Variants in PPP1R13B observed in about 807,000 individuals in gnomAD.
The protein encoded by PPP1R13B is protein phosphatase 1 regulatory subunit 13B, also known as apoptosis-stimulating of p53 protein 1.
Under a neutral mutation model 119.8 loss-of-function variants are expected in PPP1R13B, and 44 were observed. The observed-to-expected ratio is 0.37, with a 90% CI of 0.29 to 0.47. The LOEUF (loss-of-function observed/expected upper bound fraction) is 0.47. PPP1R13B is among the 20% of genes least tolerant of loss of function. PPP1R13B has a pLI of 0.99. For synonymous variants in PPP1R13B, 542 were observed against 561.5 expected (o/e 0.97, Z 0.49); for missense variants, 1,227 against 1,413.5 (o/e 0.87, Z 2.12).
intron 1 of PPP1R13B, among the ~76,000 whole-genome samples, chr14:103,838,565 T>A (rs754967043): frequency 6.6e-6 from 1 of 152,182 alleles, no homozygotes; most frequent in African/African-American, 2.4e-5. Context: ...ACTGTACACA[T>A]TAAAAGGTGA....
At chr14:103,808,484 A>T (rs2086070954) in intron 1 of PPP1R13B, among the ~76,000 whole-genome samples, 1 of 152,202 alleles carries the variant, frequency 6.6e-6, no homozygotes, top group Admixed American at 6.5e-5. Context: ...ATATATCATG[A>T]TGTTTTAAGA....
chr14:103,812,803 C>T (rs373213931), intron 1 of PPP1R13B, among the ~76,000 whole-genome samples: 1 of 152,276 alleles, frequency 6.6e-6, no homozygotes, highest in East Asian at 1.9e-4. Flanking sequence ...ATATGAAAAA[C>T]ATGTTCCGTA....
intron 1 of PPP1R13B, among the ~76,000 whole-genome samples, chr14:103,838,816 T>C (rs2086836113): frequency 6.6e-6 from 1 of 152,062 alleles, no homozygotes; most frequent in African/African-American, 2.4e-5. Flanking sequence ...AACTCAGAGG[T>C]AAGTGAGGGG....
At chr14:103,842,027 C>T (rs186511082) in intron 1 of PPP1R13B, among the ~76,000 whole-genome samples, 5 of 152,176 alleles carry the variant, frequency 3.3e-5, no homozygotes, top group Non-Finnish European at 5.9e-5. Context: ...TTGTCAATTA[C>T]GTGTTATTTG....
intron 1 of PPP1R13B, among the ~76,000 whole-genome samples, chr14:103,844,720 T>C (rs2086989328): frequency 6.6e-6 from 1 of 152,008 alleles, no homozygotes; most frequent in African/African-American, 2.4e-5. Flanking sequence ...AGTGAGACTC[T>C]GTCACAAAAA....
At chr14:103,736,693 G>A (rs912213955) in intron 15 of PPP1R13B, 1 of 157,024 alleles carries the variant, frequency 6.4e-6, no homozygotes, top group Non-Finnish European at 1.4e-5. Context: ...CCTTCCCTGT[G>A]GTGGTGCCAC....
chr14:103,801,146 G>A (rs951324057), intron 1 of PPP1R13B, among the ~76,000 whole-genome samples: 2 of 152,042 alleles, frequency 1.3e-5, no homozygotes, highest in Admixed American at 6.6e-5. Flanking sequence ...CAACACGTCT[G>A]GCCTACCATT....
At chr14:103,804,286 A>G (rs1345363229) in intron 1 of PPP1R13B, among the ~76,000 whole-genome samples, 1 of 152,184 alleles carries the variant, frequency 6.6e-6, no homozygotes, top group Non-Finnish European at 1.5e-5. Flanking sequence ...GAACTAAGAA[A>G]ATCAACTGAA....
intron 4 of PPP1R13B, among the ~76,000 whole-genome samples, chr14:103,772,793 A>G (rs1250622820): frequency 6.6e-6 from 1 of 151,770 alleles, no homozygotes; most frequent in Non-Finnish European, 1.5e-5. Flanking sequence ...CTGCCTCCCA[A>G]GTAGTTGGGA....
intron 1 of PPP1R13B, among the ~76,000 whole-genome samples, chr14:103,806,265 G>A (rs2086015743): frequency 6.6e-6 from 1 of 152,104 alleles, no homozygotes; most frequent in Non-Finnish European, 1.5e-5. Flanking sequence ...CAGGAAAATG[G>A]CTCTCAGGCT....
intron 4 of PPP1R13B, among the ~76,000 whole-genome samples, chr14:103,774,705 G>A (rs920659269): frequency 2.0e-4 from 30 of 152,136 alleles, no homozygotes; most frequent in Admixed American, 2.0e-3. Flanking sequence ...CAGCCCAGAA[G>A]TTAGAAGGCT....
intron 2 of PPP1R13B, among the ~76,000 whole-genome samples, chr14:103,792,458 A>AGCT (rs1230526343): frequency 5.9e-5 from 9 of 152,152 alleles, no homozygotes; most frequent in Non-Finnish European, 1.0e-4. Context: ...TACAGGTGTG[A>AGCT]GCTACTGCAC....
chr14:103,797,331 T>C (rs1325885439), intron 2 of PPP1R13B, 40 bp downstream of exon 2: 2 of 1,530,546 alleles, frequency 1.3e-6, no homozygotes, highest in African/African-American at 2.8e-5. Context: ...GGTGATTTGA[T>C]TTTATCAATG....
At chr14:103,785,671 C>T (rs2085445872) in intron 2 of PPP1R13B, among the ~76,000 whole-genome samples, 1 of 151,924 alleles carries the variant, frequency 6.6e-6, no homozygotes, top group Non-Finnish European at 1.5e-5. Flanking sequence ...ACCACCATGA[C>T]CAGCTAATTT....
At chr14:103,757,854 T>C (rs2084715129) in intron 4 of PPP1R13B, 103 bp from the exon 5 acceptor site, 2 of 870,676 alleles carry the variant, frequency 2.3e-6, no homozygotes, top group Non-Finnish European at 3.6e-6. Context: ...GGATCCCTAG[T>C]AGTGAGGAGA....
At chr14:103,813,661 A>G (rs1409020400) in intron 1 of PPP1R13B, among the ~76,000 whole-genome samples, 2 of 152,088 alleles carry the variant, frequency 1.3e-5, no homozygotes, top group Admixed American at 1.3e-4. Context: ...TCTTTCCTTT[A>G]TAAATTACCC....
chr14:103,826,684 G>A (rs2086549655), intron 1 of PPP1R13B, among the ~76,000 whole-genome samples: 2 of 149,558 alleles, frequency 1.3e-5, no homozygotes, highest in Admixed American at 6.7e-5. Flanking sequence ...ACCAGCCTGG[G>A]CAACACAGCT....
At chr14:103,770,274 G>C (rs2085036116) in intron 4 of PPP1R13B, among the ~76,000 whole-genome samples, 1 of 152,142 alleles carries the variant, frequency 6.6e-6, no homozygotes, top group Non-Finnish European at 1.5e-5. Flanking sequence ...AGAACTTTGA[G>C]AGACTGAGGC....
In PPP1R13B at chr14:103,738,415, T is replaced by C; in HGVS notation, c.2864+264A>G. 1 of 511,726 alleles carries C rather than the reference T, an allele frequency of 2.0e-6. No individual in the cohort carries two copies. Among genetic ancestry groups the C allele is most frequent in the Non-Finnish European group, 3.5e-6 (1 of 284,684 alleles). The allele number at this position is 511,726 out of a possible 1,614,324, so 31.7% of individuals were successfully genotyped here. ...TATGAGAAGGGGAAGATGGAATGAT[T>C]CACAGAATGCTTAGACTGCAATGTT... On this transcript the variant is annotated intron_variant, in intron 14 of 16. Coordinates refer to ENST00000202556, the MANE Select transcript of PPP1R13B (RefSeq NM_015316.3). The surrounding 1 kb of genome is among the most constrained non-coding windows in gnomAD (Gnocchi z 5.6).
Sources: allele counts gnomAD v4.1 joint callset (sites outside exome capture counted in the v4.1 genomes callset), GRCh38; gene constraint gnomAD v4.1.1; non-coding constraint Gnocchi (gnomAD v3.1); transcripts MANE v1.5; gene names NCBI Gene and HGNC (gene_info 2026-07-23, HGNC 2026-07-21).